The following MAPK4 variants were observed in gnomAD, a reference collection of about 807,000 sequenced individuals.
MAPK4 encodes mitogen-activated protein kinase 4.
In MAPK4, 22 loss-of-function variants were observed where a neutral mutation model predicts 47.7. That is an observed-to-expected ratio of 0.46 (90% CI 0.33 to 0.66). The LOEUF (loss-of-function observed/expected upper bound fraction) is 0.66, where lower values mean the gene tolerates loss of function less well. Among genes scored for constraint, MAPK4 ranks in the 30% least tolerant of loss-of-function variants. The pLI is 0.02. For synonymous variants in MAPK4, 390 were observed against 365.7 expected (o/e 1.07, Z -0.76); for missense variants, 736 against 831.7 (o/e 0.88, Z 1.42).
At chr18:50,589,373 G>A (rs1055013807) in intron 1 of MAPK4, among the ~76,000 whole-genome samples, 2 of 152,156 alleles carry the variant, frequency 1.3e-5, no homozygotes, top group Non-Finnish European at 2.9e-5. Context: ...GAGGCGGGCG[G>A]ATCACGAGGT....
In MAPK4 at chr18:50,729,091, G is replaced by T. The variant is rs1911365504; in HGVS notation, c.1068-67G>T. 12 of 1,371,052 alleles carry T rather than the reference G, an allele frequency of 8.8e-6. No individual in the cohort carries two copies. The Admixed American group carries it at 2.1e-4, about 24-fold the overall frequency. The allele number at this position is 1,371,052 out of a possible 1,614,324, so 84.9% of individuals were successfully genotyped here. ...GTGAGTGGCAAACAGGGATTAGAGG[G>T]CTTGGCTCCCTCCCGGAAGCTACCT... On this transcript the variant is annotated intron_variant, in intron 5 of 5. Coordinates refer to ENST00000400384, the MANE Select transcript of MAPK4 (RefSeq NM_002747.4).
In MAPK4 at chr18:50,664,391, G is replaced by A. The variant is rs752206576; in HGVS notation, c.433G>A (p.Val145Met). Reference protein sequence around the residue: ...RGLKYIHSANVLHRDLKPANI... With the variant: ...RGLKYIHSANMLHRDLKPANI... ...GCTCAAGTACATCCACTCCGCCAAC[G>A]TGCTGCACAGGGACCTGAAGCCCGC... is the stretch of plus-strand genomic sequence containing the variant. The change falls in exon 2 of 6, where the codon GTG (valine) becomes ATG (methionine). Residue 145 changes from valine to methionine, a missense_variant. This residue lies in a region of MAPK4 where 327 missense variants were observed against 395.4 expected (regional missense o/e 0.83). Transcript: ENST00000400384. The surrounding 1 kb of genome is among the most constrained non-coding windows in gnomAD (Gnocchi z 6.0). 6.8e-6 allele frequency: 11 copies of A among 1,613,978 alleles called. No homozygotes were observed. Among genetic ancestry groups the A allele is most frequent in the South Asian group, 1.1e-5 (1 of 91,078 alleles).
At chr18:50,693,620 G>A (rs902960379) in intron 2 of MAPK4, among the ~76,000 whole-genome samples, 14 of 152,088 alleles carry the variant, frequency 9.2e-5, no homozygotes, top group African/African-American at 3.4e-4. Context: ...TTAAATTATC[G>A]TCAATTTTAA....
At chr18:50,607,700 A>C (rs1463218044) in intron 1 of MAPK4, among the ~76,000 whole-genome samples, 1 of 152,230 alleles carries the variant, frequency 6.6e-6, no homozygotes, top group Non-Finnish European at 1.5e-5. Flanking sequence ...TATTTCCATC[A>C]GTCATCCAAG....
At chr18:50,578,519 G>A (rs2042317058) in intron 1 of MAPK4, among the ~76,000 whole-genome samples, 1 of 152,208 alleles carries the variant, frequency 6.6e-6, no homozygotes, top group African/African-American at 2.4e-5. Flanking sequence ...CATAGTGATG[G>A]CAGATGGTGC....
At chr18:50,585,978 A>G (rs1436630750) in intron 1 of MAPK4, among the ~76,000 whole-genome samples, 5 of 152,138 alleles carry the variant, frequency 3.3e-5, no homozygotes, top group Non-Finnish European at 5.9e-5. Context: ...CATGGGGATT[A>G]TGGGAGCTAC....
At position 50,729,364 on chromosome 18, in the gene MAPK4, G is replaced by T; in HGVS notation, c.1274G>T (p.Gly425Val). ...SMERAFEADY[G>V]RSCDYKVGSP... Reference sequence around the variant, plus strand: ...GAGCGCGCCTTCGAGGCCGACTACGGGCGCTCCTGCGACTACAAGGTGGGG... The same window carrying T: ...GAGCGCGCCTTCGAGGCCGACTACGTGCGCTCCTGCGACTACAAGGTGGGG... The change falls in exon 6 of 6, where the codon GGG becomes GTG. Residue 425 changes from glycine to valine, a missense_variant. Physicochemically the swap from Gly to Val is moderately radical, Grantham distance 109. This residue lies in a region of MAPK4 where 377 missense variants were observed against 378.6 expected (regional missense o/e 1.00). Coordinates refer to ENST00000400384, the MANE Select transcript of MAPK4 (RefSeq NM_002747.4). 1 of 1,577,016 alleles carries T rather than the reference G, an allele frequency of 6.3e-7. No individual in the cohort carries two copies. The highest frequency in any genetic ancestry group is 8.6e-7 in the Non-Finnish European group (1 of 1,163,038).
chr18:50,564,170 T>G (rs2042178510), intron 1 of MAPK4, among the ~76,000 whole-genome samples: 1 of 152,156 alleles, frequency 6.6e-6, no homozygotes, highest in Non-Finnish European at 1.5e-5. Context: ...GTGAGCCACC[T>G]GTCAGCTTGG....
intron 1 of MAPK4, among the ~76,000 whole-genome samples, chr18:50,650,567 C>T (rs1290907080): frequency 3.3e-5 from 5 of 152,200 alleles, no homozygotes; most frequent in African/African-American, 4.8e-5. Context: ...TCCAATCTCA[C>T]ACTAGAATGA....
chr18:50,666,663 G>T (rs754284930), intron 2 of MAPK4, among the ~76,000 whole-genome samples: 4 of 151,988 alleles, frequency 2.6e-5, no homozygotes, highest in Non-Finnish European at 5.9e-5. Flanking sequence ...TGCTCTTATC[G>T]GGTTCTCTTT....
At chr18:50,643,404 G>T (rs12956467) in intron 1 of MAPK4, among the ~76,000 whole-genome samples, 24,477 of 152,234 alleles carry the variant, frequency 0.16, 2,014 homozygotes, top group Non-Finnish European at 0.18. Context: ...TGTAATCCCA[G>T]CTACTCTACT....
intron 2 of MAPK4, among the ~76,000 whole-genome samples, chr18:50,714,562 C>G (rs770652115): frequency 6.6e-6 from 1 of 152,134 alleles, no homozygotes; most frequent in Non-Finnish European, 1.5e-5. Flanking sequence ...CTTATCTGTT[C>G]TCAGCAAGAG....
intron 2 of MAPK4, among the ~76,000 whole-genome samples, chr18:50,687,023 A>T (rs1337736619): frequency 6.6e-6 from 1 of 152,268 alleles, no homozygotes. Flanking sequence ...ATACATATAA[A>T]AACATAGATG....
chr18:50,608,837 G>T (rs945584700), intron 1 of MAPK4, among the ~76,000 whole-genome samples: 1 of 152,110 alleles, frequency 6.6e-6, no homozygotes, highest in African/African-American at 2.4e-5. Flanking sequence ...GTGAACAAGG[G>T]TATCTGGGTT....
At chr18:50,624,915 G>A (rs909322843) in intron 1 of MAPK4, among the ~76,000 whole-genome samples, 8 of 152,096 alleles carry the variant, frequency 5.3e-5, no homozygotes, top group Admixed American at 2.6e-4. Flanking sequence ...GCACCCAGCA[G>A]CAAGCTTAAA....
intron 2 of MAPK4, among the ~76,000 whole-genome samples, chr18:50,687,075 G>C (rs1317570238): frequency 6.6e-6 from 1 of 152,202 alleles, no homozygotes; most frequent in Non-Finnish European, 1.5e-5. Context: ...CATTTAAATT[G>C]TACAGTTCAG....
In MAPK4 at chr18:50,660,987, C is replaced by T. The variant is rs114021927; in HGVS notation, c.-870-2102C>T. On this transcript the variant is annotated intron_variant, in intron 1 of 5. Coordinates refer to ENST00000400384, the MANE Select transcript of MAPK4 (RefSeq NM_002747.4). ...AAGAGTTTTAAAAATAAATAAAGCACCTCTTAATTATTCGCTGATTATCTG... is the reference window on the plus strand; with the variant it reads ...AAGAGTTTTAAAAATAAATAAAGCATCTCTTAATTATTCGCTGATTATCTG... Among the ~76,000 whole-genome samples the T allele has an allele frequency of 4.2e-3, 633 of 152,164 alleles. 1 individual carries two copies. Among genetic ancestry groups the T allele is most frequent in the African/African-American group, 0.014 (577 of 41,506 alleles).
intron 1 of MAPK4, among the ~76,000 whole-genome samples, chr18:50,617,193 G>C (rs2042692173): frequency 6.6e-6 from 1 of 151,908 alleles, no homozygotes; most frequent in South Asian, 2.1e-4. Context: ...TCAAAATAAG[G>C]CATAGTAGAG....
At chr18:50,646,192 G>A (rs1053938920) in intron 1 of MAPK4, among the ~76,000 whole-genome samples, 1 of 152,204 alleles carries the variant, frequency 6.6e-6, no homozygotes, top group Admixed American at 6.5e-5. Flanking sequence ...TTTTAAGCCA[G>A]AGGTTCTCAA....
Sources: gnomAD v4.1 joint callset for allele counts (sites outside exome capture counted in the v4.1 genomes callset) on GRCh38, gnomAD v4.1.1 for gene constraint, gnomAD v4.1.1 regional missense constraint, Gnocchi (gnomAD v3.1) non-coding constraint, MANE v1.5 for transcripts, NCBI Gene and HGNC (gene_info 2026-07-23, HGNC 2026-07-21) for gene names.